The following CCSER1 variants were observed in gnomAD, a reference collection of about 807,000 sequenced individuals.
CCSER1 encodes the protein coiled-coil serine rich protein 1, also known as serine-rich coiled-coil domain-containing protein 1.
In CCSER1, 41 loss-of-function variants were observed where a neutral mutation model predicts 82.0. That is an observed-to-expected ratio of 0.50 (90% CI 0.39 to 0.65). CCSER1 has a LOEUF of 0.65. Ranked by LOEUF, CCSER1 falls within the 30% of genes least tolerant of loss-of-function variation. The pLI is 0.00. For synonymous variants in CCSER1, 414 were observed against 383.9 expected (o/e 1.08, Z -0.92); for missense variants, 1,119 against 1,064.2 (o/e 1.05, Z -0.72).
chr4:90,222,657 T>A (rs1742363284), intron 1 of CCSER1, among the ~76,000 whole-genome samples: 1 of 152,166 alleles, frequency 6.6e-6, no homozygotes, highest in Non-Finnish European at 1.5e-5. Context: ...CCAACATTGG[T>A]TTTTTAAATT....
intron 10 of CCSER1, among the ~76,000 whole-genome samples, chr4:91,469,993 G>A (rs920646304): frequency 6.6e-6 from 1 of 152,118 alleles, no homozygotes; most frequent in Non-Finnish European, 1.5e-5. Context: ...TGTTTATGAT[G>A]CAAATATATG....
chr4:91,351,087 G>A (rs980845204), intron 10 of CCSER1, among the ~76,000 whole-genome samples: 1 of 151,844 alleles, frequency 6.6e-6, no homozygotes, highest in Non-Finnish European at 1.5e-5. Flanking sequence ...AGGTTAGATG[G>A]GTTTGAGATG....
chr4:90,424,266 T>TA (rs1348441689), intron 4 of CCSER1, among the ~76,000 whole-genome samples: 1 of 152,112 alleles, frequency 6.6e-6, no homozygotes, highest in Non-Finnish European at 1.5e-5. Context: ...AGATAAGAAA[T>TA]ACAGGAATCT....
chr4:90,237,476 A>G (rs987533702), intron 1 of CCSER1, among the ~76,000 whole-genome samples: 3 of 152,180 alleles, frequency 2.0e-5, no homozygotes, highest in Non-Finnish European at 4.4e-5. Flanking sequence ...ACTTGAGCAG[A>G]GTGTTTCTCA....
intron 8 of CCSER1, 121 bp from the exon 9 acceptor site, chr4:90,923,249 A>T (rs912043948): frequency 1.4e-6 from 1 of 716,198 alleles, no homozygotes. Context: ...TAACACAGCA[A>T]AGCATATGCA....
At chr4:90,459,618 G>A (rs1762625823) in intron 4 of CCSER1, among the ~76,000 whole-genome samples, 1 of 151,970 alleles carries the variant, frequency 6.6e-6, no homozygotes, top group East Asian at 1.9e-4. Flanking sequence ...CTGTGTCTTC[G>A]ATGTTTTTTC....
At chr4:90,959,691 A>C (rs114354263) in intron 9 of CCSER1, among the ~76,000 whole-genome samples, 33,191 of 76,950 alleles carry the variant, frequency 0.43, 4,191 homozygotes, top group Non-Finnish European at 0.51. Flanking sequence ...CTAATATATG[A>C]TCAGATAAAG....
At chr4:90,605,001 C>G (rs944875158) in intron 5 of CCSER1, among the ~76,000 whole-genome samples, 5 of 107,824 alleles carry the variant, frequency 4.6e-5, no homozygotes, top group Non-Finnish European at 8.3e-5. Context: ...TGAGTGAGCT[C>G]CGCTTCCACG....
intron 10 of CCSER1, among the ~76,000 whole-genome samples, chr4:91,544,654 C>T (rs999630805): frequency 2.6e-5 from 4 of 152,180 alleles, no homozygotes; most frequent in African/African-American, 9.7e-5. Flanking sequence ...AGTGTTGCTG[C>T]CTGATTATTC....
intron 10 of CCSER1, among the ~76,000 whole-genome samples, chr4:91,360,059 G>A (rs916384642): frequency 4.0e-5 from 6 of 151,814 alleles, no homozygotes; most frequent in Non-Finnish European, 7.4e-5. Context: ...CACAATCCAA[G>A]CTATTTTTAA....
intron 6 of CCSER1, among the ~76,000 whole-genome samples, chr4:90,657,380 A>C (rs1579761738): frequency 6.6e-6 from 1 of 152,196 alleles, no homozygotes; most frequent in African/African-American, 2.4e-5. Flanking sequence ...ACCTTTACAT[A>C]GAATTTTATT....
At position 90,230,738 on chromosome 4, in the gene CCSER1, GA is replaced by G. The variant is rs1312440024; in HGVS notation, c.-41-77499del. Among the ~76,000 whole-genome samples the G allele has an allele frequency of 1.7e-4, 25 of 149,862 alleles. 1 individual carries two copies. Among genetic ancestry groups the G allele is most frequent in the African/African-American group, 6.1e-4 (25 of 40,820 alleles). On this transcript the variant is annotated intron_variant, in intron 1 of 10. Coordinates refer to ENST00000509176, the MANE Select transcript of CCSER1 (RefSeq NM_001145065.2). ...ATAGACCGCTAGCAAGACTAATAAAGAAAAAAAGAGAGAAGAATCAAATAGA... is the reference window on the plus strand; with the variant it reads ...ATAGACCGCTAGCAAGACTAATAAAGAAAAAAGAGAGAAGAATCAAATAGA...
chr4:91,029,327 A>G (rs1163004084), intron 9 of CCSER1, among the ~76,000 whole-genome samples: 1 of 151,940 alleles, frequency 6.6e-6, no homozygotes, highest in African/African-American at 2.4e-5. Context: ...TGTTGATGAA[A>G]TTATATACTC....
At chr4:91,110,966 T>A (rs376891277) in intron 10 of CCSER1, among the ~76,000 whole-genome samples, 13 of 152,028 alleles carry the variant, frequency 8.6e-5, no homozygotes, top group Non-Finnish European at 1.9e-4. Flanking sequence ...CTTAAATATA[T>A]AGATGATGAT....
intron 10 of CCSER1, among the ~76,000 whole-genome samples, chr4:91,525,019 G>A (rs1421086216): frequency 1.3e-5 from 2 of 151,998 alleles, no homozygotes; most frequent in African/African-American, 2.4e-5. Flanking sequence ...CTGGAGAGTG[G>A]ATCAAAAGAG....
At chr4:91,311,661 A>G (rs1035641452) in intron 10 of CCSER1, among the ~76,000 whole-genome samples, 1 of 151,972 alleles carries the variant, frequency 6.6e-6, no homozygotes, top group Non-Finnish European at 1.5e-5. Context: ...TATAATCTAT[A>G]AATCATAAAC....
intron 1 of CCSER1, among the ~76,000 whole-genome samples, chr4:90,160,881 C>G (rs1466676365): frequency 2.6e-5 from 4 of 152,146 alleles, no homozygotes; most frequent in Non-Finnish European, 5.9e-5. Flanking sequence ...TCTCAGTACT[C>G]TCAGCCAAGT....
intron 5 of CCSER1, among the ~76,000 whole-genome samples, chr4:90,581,999 A>G (rs1208974490): frequency 6.6e-6 from 1 of 151,636 alleles, no homozygotes; most frequent in East Asian, 1.9e-4. Context: ...TCATTAGCTG[A>G]GTGATTTTTT....
At chr4:90,900,590 TG>T (rs1260792078) in intron 8 of CCSER1, among the ~76,000 whole-genome samples, 1 of 151,938 alleles carries the variant, frequency 6.6e-6, no homozygotes, top group Non-Finnish European at 1.5e-5. Context: ...TTTTGTTTGT[TG>T]TTTTTTTCAT....
Sources: allele counts gnomAD v4.1 joint callset (sites outside exome capture counted in the v4.1 genomes callset), GRCh38; gene constraint gnomAD v4.1.1; transcripts MANE v1.5; gene names NCBI Gene and HGNC (gene_info 2026-07-23, HGNC 2026-07-21).